PRAMEF27: variants seen among roughly 807,000 people sequenced by gnomAD.
The protein encoded by PRAMEF27 is PRAME family member 27.
In PRAMEF27, 5 loss-of-function variants were observed where a neutral mutation model predicts 21.0. The observed-to-expected ratio is 0.24, with a 90% CI of 0.12 to 0.50. The LOEUF is 0.50. PRAMEF27 is among the 20% of genes least tolerant of loss of function. The probability of loss-of-function intolerance (pLI) is 0.98; values close to 1 mark genes in which losing one functional copy is unlikely to be tolerated. For synonymous variants in PRAMEF27, 61 were observed against 211.2 expected, an observed-to-expected ratio of 0.29 and a Z score of 6.17; for missense variants, 138 against 541.4, an observed-to-expected ratio of 0.25 and a Z score of 7.39.
chr1:13,055,599 T>C (rs1307645232), intron 1 of PRAMEF27: 2 of 150,446 alleles, frequency 1.3e-5, no homozygotes, highest in African/African-American at 2.5e-5. Context: ...GTGATTGGTT[T>C]AAAATTAAGG....
chr1:13,049,999 G>A lies in PRAMEF27; in HGVS notation c.1246C>T (p.Pro416Ser). Residue 416 changes from proline (P) to serine (S), a missense_variant, in exon 4 of 4, where the codon CCT (proline) becomes TCT (serine). Coordinates refer to ENST00000436041, the MANE Select transcript of PRAMEF27 (RefSeq NM_001300891.2). ...GCACCATAACTCTCCCGCGGGGCAG[G>A]ATACACCTCCACGCATAAGTTTTTG... ...ILKNLCVEVY[P>S]APRESYGADG... The A allele has an allele frequency of 7.0e-7, 1 of 1,436,460 alleles. No individual in the cohort carries two copies. Among genetic ancestry groups the A allele is most frequent in the Non-Finnish European group, 9.2e-7 (1 of 1,086,354 alleles). 89.0% of individuals were successfully genotyped at this position (1,436,460 alleles called of 1,614,324 possible). A position where few individuals can be genotyped will look rare whatever the true frequency, so the allele number is the denominator to read the frequency against.
intron 1 of PRAMEF27, chr1:13,055,648 GA>G (rs1642239184): frequency 6.6e-6 from 1 of 151,194 alleles, no homozygotes; most frequent in Admixed American, 6.6e-5. Flanking sequence ...TTTGTTTTTG[GA>G]CAGAGTGTCT....
At chr1:13,053,916 T>C in intron 1 of PRAMEF27, 1 of 531,312 alleles carries the variant, frequency 1.9e-6, no homozygotes, top group Admixed American at 3.6e-5. Flanking sequence ...TATCCAGTGC[T>C]CCATCCAGTG....
At position 13,049,991 on chromosome 1, in the gene PRAMEF27, C is replaced by T. The variant is rs1253251484; in HGVS notation, c.1254G>A (p.Pro418=). ...KNLCVEVYPA[P]RESYGADGTL... ...TACCATCAGCACCATAACTCTCCCG[C>T]GGGGCAGGATACACCTCCACGCATA... The change falls in exon 4 of 4, where the codon CCG becomes CCA. Residue 418 remains proline, a synonymous_variant. Transcript: ENST00000436041. The T allele has an allele frequency of 1.0e-3, 1,431 of 1,433,820 alleles. 203 individuals carry two copies. Among genetic ancestry groups the T allele is most frequent in the Non-Finnish European group, 1.1e-3 (1,185 of 1,087,012 alleles). 88.8% of individuals were successfully genotyped at this position (1,433,820 alleles called of 1,614,324 possible).
chr1:13,055,692 G>A (rs1272468787), intron 1 of PRAMEF27: 1 of 149,412 alleles, frequency 6.7e-6, no homozygotes, highest in East Asian at 2.0e-4. Context: ...CAGCAGTGGT[G>A]TGAGCATAGC....
In PRAMEF27 at chr1:13,056,126, G is replaced by A. The variant is rs1186782508; in HGVS notation, c.-17+288C>T. 2 of 117,136 alleles carry A rather than the reference G, an allele frequency of 1.7e-5. 1 individual carries two copies. The highest frequency in any genetic ancestry group is 4.5e-4 in the East Asian group (2 of 4,402). The allele number at this position is 117,136 out of a possible 1,614,324, so 7.3% of individuals were successfully genotyped here. A position where few individuals can be genotyped will look rare whatever the true frequency, so the allele number is the denominator to read the frequency against. On this transcript the variant is annotated intron_variant, in intron 1 of 3. Transcript: ENST00000436041. ...GCCCAGGTTGGTCTCAAACCCCTGG[G>A]CTGAAATGATCCTCCCACTTTGGCC...
chr1:13,052,023 C>T (rs1642211397), intron 3 of PRAMEF27, 95 bp downstream of exon 3: 6 of 1,515,112 alleles, frequency 4.0e-6, no homozygotes, highest in Non-Finnish European at 5.3e-6. Flanking sequence ...TTCACTGTTA[C>T]ATCCTCATAG....
Position 13,049,909 on chromosome 1 carries a change from C to A in PRAMEF27, c.1336G>T (p.Asp446Tyr). Residue 446 changes from aspartate to tyrosine, a missense_variant, in exon 4 of 4, where the codon GAC becomes TAC. Transcript: ENST00000436041. ...AAGATCCTCTTGGGGTGCCTTAAGT[C>A]CCTCACTCTGTTCATCAGCTCAGCC... ...IRAELMNRVR[D>Y]LRHPKRIFFC... The A allele has an allele frequency of 7.0e-7, 1 of 1,419,238 alleles. No individual in the cohort carries two copies. 87.9% of individuals were successfully genotyped at this position (1,419,238 alleles called of 1,614,324 possible). A position where few individuals can be genotyped will look rare whatever the true frequency, so the allele number is the denominator to read the frequency against.
rs1265668361 is a variant in PRAMEF27, at chr1:13,056,560, G to C, written c.-163C>G. The C allele has an allele frequency of 7.7e-6, 1 of 130,120 alleles. No homozygotes were observed. The highest frequency in any genetic ancestry group is 1.5e-5 in the Non-Finnish European group (1 of 65,224). The allele number at this position is 130,120 out of a possible 1,614,324, so 8.1% of individuals were successfully genotyped here. ...ACAACTCCCACCCACGCCCTTCCAC[G>C]TGTGCACTGCTAGCTTCCAATCAAA... On this transcript the variant is annotated 5_prime_UTR_variant, in exon 1 of 4. Transcript: ENST00000436041.
In PRAMEF27 at chr1:13,053,641, T is replaced by C. The variant is rs1402599517; in HGVS notation, c.19A>G (p.Thr7Ala). ...GCAAGCTCCAGGAGTCTGGGTGGAG[T>C]CCGGATGCTCATCTTCATGAATCTG... MKMSIRTPPRLLELAGR... is the reference protein window; with the variant it reads MKMSIRAPPRLLELAGR... The change falls in exon 2 of 4, where the codon ACT (threonine) becomes GCT (alanine). Residue 7 changes from threonine to alanine, a missense_variant. By Grantham distance (58) the Thr-to-Ala change is moderately conservative. Transcript: ENST00000436041. The C allele has an allele frequency of 3.1e-4, 491 of 1,594,896 alleles. 3 individuals are homozygous for C. Among genetic ancestry groups the C allele is most frequent in the African/African-American group, 8.3e-5 (5 of 60,376 alleles).
At chr1:13,055,979 C>T (rs1392128254) in intron 1 of PRAMEF27, 1 of 124,236 alleles carries the variant, frequency 8.0e-6, no homozygotes, top group Admixed American at 7.3e-5. Flanking sequence ...TTGCTTGAAC[C>T]CAGGAGTTAA....
chr1:13,055,645 T>C (rs1466146269), intron 1 of PRAMEF27: 14 of 151,370 alleles, frequency 9.2e-5, no homozygotes, highest in African/African-American at 3.0e-4. Context: ...GTTTTTGTTT[T>C]TGGACAGAGT....
intron 1 of PRAMEF27, chr1:13,055,703 T>G (rs1248678509): frequency 6.7e-6 from 1 of 148,240 alleles, no homozygotes; most frequent in Non-Finnish European, 1.5e-5. Context: ...TGAGCATAGC[T>G]CACTGCAGCC....
rs1462522459 is a variant in PRAMEF27, at chr1:13,049,887, A to T, written c.1358T>A (p.Ile453Asn). ...RVRDLRHPKR[I>N]FFCIDNCPDC... ...AGGGCAGTTATCAATACAGAAAAAG[A>T]TCCTCTTGGGGTGCCTTAAGTCCCT... Residue 453 changes from isoleucine (I) to asparagine (N), a missense_variant, in exon 4 of 4, where the codon ATC becomes AAC. Coordinates refer to ENST00000436041, the MANE Select transcript of PRAMEF27 (RefSeq NM_001300891.2). 5 of 1,417,526 alleles carry T rather than the reference A, an allele frequency of 3.5e-6. No homozygotes were observed. Among genetic ancestry groups the T allele is most frequent in the Non-Finnish European group, 4.6e-6 (5 of 1,080,676 alleles). 87.8% of individuals were successfully genotyped at this position (1,417,526 alleles called of 1,614,324 possible).
At position 13,053,892 on chromosome 1, in the gene PRAMEF27, G is replaced by A. The variant is rs1316585448; in HGVS notation, c.-16-217C>T. 26 of 615,790 alleles carry A rather than the reference G, an allele frequency of 4.2e-5. 3 individuals are homozygous for A. Among genetic ancestry groups the A allele is most frequent in the South Asian group, 3.8e-4 (16 of 41,590 alleles). The allele number at this position is 615,790 out of a possible 1,614,324, so 38.1% of individuals were successfully genotyped here. A position where few individuals can be genotyped will look rare whatever the true frequency, so the allele number is the denominator to read the frequency against. ...AGCAGTGAGGAAGCAGGGTCACCAC[G>A]AGCCCTTCCTTTCTATCCAGTGCTC... On this transcript the variant is annotated intron_variant, in intron 1 of 3. Coordinates refer to ENST00000436041, the MANE Select transcript of PRAMEF27 (RefSeq NM_001300891.2).
At position 13,056,405 on chromosome 1, in the gene PRAMEF27, G is replaced by A. The variant is rs1402854254; in HGVS notation, c.-17+9C>T. ...GATGGGAGTGTCCTTACAGAAATTAGTGACTTACCAGATCTGGATGTAGTT... is the reference window on the plus strand; with the variant it reads ...GATGGGAGTGTCCTTACAGAAATTAATGACTTACCAGATCTGGATGTAGTT... On this transcript the variant is annotated intron_variant, in intron 1 of 3. Coordinates refer to ENST00000436041, the MANE Select transcript of PRAMEF27 (RefSeq NM_001300891.2). 3.1e-5 allele frequency: 4 copies of A among 128,348 alleles called. No homozygotes were observed. Among genetic ancestry groups the A allele is most frequent in the East Asian group, 4.2e-4 (2 of 4,718 alleles). The allele number at this position is 128,348 out of a possible 1,614,324, so 8.0% of individuals were successfully genotyped here.
chr1:13,052,015 C>T (rs1157444373), intron 3 of PRAMEF27, 103 bp downstream of exon 3: 1 of 1,506,358 alleles, frequency 6.6e-7, no homozygotes, highest in Non-Finnish European at 8.8e-7. Flanking sequence ...GTGTCCCCTT[C>T]ACTGTTACAT....
rs1236606933 is a variant in PRAMEF27 at position 13,053,891 on chromosome 1, C to T, written c.-16-216G>A. 2.6e-5 allele frequency: 16 copies of T among 627,312 alleles called. 3 individuals are homozygous for T. The African/African-American group carries it at 4.3e-4, about 17-fold the overall frequency. The allele number at this position is 627,312 out of a possible 1,614,324, so 38.9% of individuals were successfully genotyped here. On this transcript the variant is annotated intron_variant, in intron 1 of 3. Coordinates refer to ENST00000436041, the MANE Select transcript of PRAMEF27 (RefSeq NM_001300891.2). ...AAGCAGTGAGGAAGCAGGGTCACCACGAGCCCTTCCTTTCTATCCAGTGCT... is the reference window on the plus strand; with the variant it reads ...AAGCAGTGAGGAAGCAGGGTCACCATGAGCCCTTCCTTTCTATCCAGTGCT...
intron 1 of PRAMEF27, chr1:13,055,773 G>C (rs1312008391): frequency 2.9e-5 from 4 of 139,598 alleles, no homozygotes; most frequent in African/African-American, 1.2e-4. Context: ...TGGGACTACA[G>C]ATGCATGGTG....
Sources: allele counts gnomAD v4.1 joint callset, GRCh38; gene constraint gnomAD v4.1.1; transcripts MANE v1.5; gene names NCBI Gene and HGNC (gene_info 2026-07-23, HGNC 2026-07-21).